SCOC: variants seen among roughly 807,000 people sequenced by gnomAD.
SCOC encodes short coiled-coil protein.
Under a neutral mutation model 9.9 loss-of-function variants are expected in SCOC, and 7 were observed. The ratio of observed to expected loss-of-function variants is 0.71; its 90% CI spans 0.40 to 1.33. The LOEUF (loss-of-function observed/expected upper bound fraction) is 1.33, where lower values mean the gene tolerates loss of function less well. Among genes scored for constraint, SCOC ranks in the 40% most tolerant of loss-of-function variants. The pLI is 0.01. For synonymous variants in SCOC, 19 were observed against 28.2 expected (o/e 0.67, Z 1.03); for missense variants, 66 against 89.7 (o/e 0.74, Z 1.07).
At chr4:140,261,188 A>G (rs1323894016) in intron 1 of SCOC, among the ~76,000 whole-genome samples, 1 of 152,204 alleles carries the variant, frequency 6.6e-6, no homozygotes, top group Non-Finnish European at 1.5e-5. Context: ...GACATTATAT[A>G]TGTTTGTGGC....
At chr4:140,377,269 T>G (rs1728383430) in intron 1 of SCOC, among the ~76,000 whole-genome samples, 1 of 152,210 alleles carries the variant, frequency 6.6e-6, no homozygotes, top group African/African-American at 2.4e-5. Context: ...TAAAGAGACA[T>G]GTTGATTCAA....
chr4:140,336,180 T>C (rs921769869), intron 1 of SCOC, among the ~76,000 whole-genome samples: 5 of 152,180 alleles, frequency 3.3e-5, no homozygotes, highest in African/African-American at 1.2e-4. Flanking sequence ...TGGATAATTT[T>C]TTTCTCTGAA....
chr4:140,306,514 CAG>C (rs1247131795), intron 1 of SCOC, among the ~76,000 whole-genome samples: 1 of 152,076 alleles, frequency 6.6e-6, no homozygotes, highest in Admixed American at 6.5e-5. Flanking sequence ...GAAGAGCAAA[CAG>C]GAGATGTAGA....
In SCOC at chr4:140,303,745, T is replaced by A. The variant is rs188256631; in HGVS notation, c.-18-39876T>A. On this transcript the variant is annotated intron_variant, in intron 1 of 4. Coordinates refer to the SCOC transcript ENST00000394205. ...GGAAACGCCTGTGCAAATCCAGGTA[T>A]AGGGAAATGGAGCTCAGTATAGTGG... Among the ~76,000 whole-genome samples the A allele has an allele frequency of 1.2e-3, 182 of 152,302 alleles. 1 individual carries two copies. The highest frequency in any genetic ancestry group is 2.3e-3 in the Non-Finnish European group (156 of 68,014).
chr4:140,346,914 A>G (rs1726764063), intron 2 of SCOC, among the ~76,000 whole-genome samples: 1 of 152,134 alleles, frequency 6.6e-6, no homozygotes, highest in Admixed American at 6.5e-5. Flanking sequence ...GTGGTCACTC[A>G]TTGTTTCACA....
intron 2 of SCOC, among the ~76,000 whole-genome samples, chr4:140,354,546 T>TA: frequency 6.6e-6 from 1 of 151,216 alleles, no homozygotes; most frequent in Non-Finnish European, 1.5e-5. Context: ...GGATATTTTT[T>TA]ACCAACACAA....
In SCOC at chr4:140,289,966, A is replaced by G. The variant is rs115452082; in HGVS notation, c.-19+32556A>G. ...TGTGGTGCAGCAATCTTGACACTTA[A>G]TGCTTAATGCTATATGTCCATTGAC... On this transcript the variant is annotated intron_variant, in intron 1 of 4. Transcript: ENST00000394205. Among the ~76,000 whole-genome samples, 764 of 152,316 alleles carry G rather than the reference A, an allele frequency of 5.0e-3. 5 individuals carry two copies. The highest frequency in any genetic ancestry group is 0.017 in the African/African-American group (707 of 41,572).
At chr4:140,340,175 T>C (rs1726449498), upstream of SCOC, among the ~76,000 whole-genome samples, 1 of 152,154 alleles carries the variant, frequency 6.6e-6, no homozygotes, top group East Asian at 1.9e-4. Flanking sequence ...CGGGAAACCA[T>C]CATTCTCAGC....
At chr4:140,371,032 C>G (rs974691240), upstream of SCOC, among the ~76,000 whole-genome samples, 22 of 151,948 alleles carry the variant, frequency 1.4e-4, no homozygotes, top group African/African-American at 4.8e-4. Flanking sequence ...ACTACAGGCG[C>G]CCGCCACCAC....
At chr4:140,291,431 G>A (rs774521051) in intron 1 of SCOC, 5 of 457,004 alleles carry the variant, frequency 1.1e-5, no homozygotes, top group East Asian at 6.9e-5. Flanking sequence ...CTGGTGTATA[G>A]CAACCTCTTG....
intron 1 of SCOC, among the ~76,000 whole-genome samples, chr4:140,302,790 A>G (rs1199212698): frequency 6.6e-6 from 1 of 152,238 alleles, no homozygotes; most frequent in Non-Finnish European, 1.5e-5. Flanking sequence ...ATAGTGTTGT[A>G]AGCCAGTAAC....
chr4:140,293,859 T>A (rs1731547380), intron 1 of SCOC, among the ~76,000 whole-genome samples: 2 of 151,182 alleles, frequency 1.3e-5, no homozygotes, highest in African/African-American at 2.4e-5. Context: ...AAGGGGAGAG[T>A]AAAGCAGAGC....
intron 1 of SCOC, among the ~76,000 whole-genome samples, chr4:140,271,174 C>G (rs894990853): frequency 2.0e-5 from 3 of 152,200 alleles, no homozygotes; most frequent in African/African-American, 7.2e-5. Context: ...AAGGGTCATT[C>G]AGACTGCTGC....
upstream of SCOC, among the ~76,000 whole-genome samples, chr4:140,339,485 A>G (rs1306477953): frequency 3.3e-5 from 5 of 152,254 alleles, no homozygotes. Context: ...CTGCACAGCA[A>G]AAGAAACTAC....
At chr4:140,292,240 G>A (rs906450076) in intron 1 of SCOC, among the ~76,000 whole-genome samples, 54 of 150,412 alleles carry the variant, frequency 3.6e-4, no homozygotes, top group Non-Finnish European at 1.6e-4. Flanking sequence ...CCAGGCTGGA[G>A]TGCAGTAGCA....
chr4:140,366,183 CTTTTTTTT>C (rs869298297), intron 2 of SCOC: 6 of 9,476 alleles, frequency 6.3e-4, no homozygotes, highest in East Asian at 0.021. Flanking sequence ...TTCTTTCTTT[CTTTTTTTT>C]TTTTTTTTCC....
intron 2 of SCOC, among the ~76,000 whole-genome samples, chr4:140,345,999 A>T (rs1726722272): frequency 6.6e-6 from 1 of 152,232 alleles, no homozygotes; most frequent in South Asian, 2.1e-4. Context: ...CCTACATTAC[A>T]GATGATAAAA....
At chr4:140,264,166 A>G (rs767033678) in intron 1 of SCOC, among the ~76,000 whole-genome samples, 17 of 152,096 alleles carry the variant, frequency 1.1e-4, no homozygotes, top group South Asian at 4.2e-4. Flanking sequence ...CGCCCAGCTA[A>G]TTTTAAAAAC....
intron 1 of SCOC, among the ~76,000 whole-genome samples, chr4:140,260,984 T>C (rs1002681414): frequency 1.3e-5 from 2 of 152,256 alleles, no homozygotes; most frequent in African/African-American, 4.8e-5. Context: ...TTAAGAGCTC[T>C]CTATGTTAAG....
Sources: gnomAD v4.1 joint callset for allele counts (sites outside exome capture counted in the v4.1 genomes callset) on GRCh38, gnomAD v4.1.1 for gene constraint, MANE v1.5 for transcripts, NCBI Gene and HGNC (gene_info 2026-07-23, HGNC 2026-07-21) for gene names.